The following LAMA3 variants were observed in gnomAD, a reference collection of about 807,000 sequenced individuals.
LAMA3 encodes the protein laminin subunit alpha-3.
A neutral mutation model predicts 402.0 loss-of-function variants in LAMA3; 281 were observed. The observed-to-expected ratio is 0.70, with a 90% CI of 0.63 to 0.77. The LOEUF is 0.77. Ranked by LOEUF, LAMA3 falls within the 30% of genes least tolerant of loss-of-function variation. LAMA3 has a pLI of 0.00. For missense variants in LAMA3, 3,840 were observed against 4,215.5 expected (o/e 0.91, Z 2.47); for synonymous variants, 1,431 against 1,558.4 (o/e 0.92, Z 1.93).
intron 12 of LAMA3, among the ~76,000 whole-genome samples, chr18:23,794,933 A>G (rs1157331677): frequency 6.6e-6 from 1 of 152,260 alleles, no homozygotes; most frequent in Non-Finnish European, 1.5e-5. Flanking sequence ...AAAAAACCAT[A>G]TCTTTAAATG....
At chr18:23,851,627 C>G (rs2063946873) in intron 32 of LAMA3, among the ~76,000 whole-genome samples, 1 of 152,184 alleles carries the variant, frequency 6.6e-6, no homozygotes, top group African/African-American at 2.4e-5. Context: ...CTGCCTTCCT[C>G]CCTCTATGGT....
chr18:23,728,087 GCCT>G (rs2061328664), intron 2 of LAMA3, among the ~76,000 whole-genome samples: 1 of 152,118 alleles, frequency 6.6e-6, no homozygotes, highest in Non-Finnish European at 1.5e-5. Context: ...TCCTGAAAAG[GCCT>G]CCTCTTCTCT....
At chr18:23,845,213 G>T in intron 30 of LAMA3, 89 bp downstream of exon 30, 1 of 784,504 alleles carries the variant, frequency 1.3e-6, no homozygotes, top group African/African-American at 1.7e-5. Context: ...GCTGGCCCAT[G>T]GATCCGTCCT....
intron 7 of LAMA3, among the ~76,000 whole-genome samples, chr18:23,761,179 T>G (rs1161818584): frequency 1.3e-5 from 2 of 152,244 alleles, no homozygotes; most frequent in African/African-American, 2.4e-5. Context: ...TTAAAAATGC[T>G]TTGACATCAT....
intron 38 of LAMA3, among the ~76,000 whole-genome samples, chr18:23,874,920 G>T (rs2064655276): frequency 1.3e-5 from 2 of 152,166 alleles, no homozygotes; most frequent in African/African-American, 2.4e-5. Context: ...CTGGAGTGTG[G>T]TGGCGCAGTC....
intron 68 of LAMA3, among the ~76,000 whole-genome samples, chr18:23,940,981 G>C (rs1176383461): frequency 1.4e-5 from 2 of 145,576 alleles, no homozygotes; most frequent in Non-Finnish European, 3.0e-5. Context: ...CTGTCACCCA[G>C]GCTGGAGTAC....
At chr18:23,793,796 C>A (rs1203825324) in intron 12 of LAMA3, among the ~76,000 whole-genome samples, 1 of 152,160 alleles carries the variant, frequency 6.6e-6, no homozygotes, top group East Asian at 1.9e-4. Context: ...GTGCCAGATC[C>A]CACAGGTTGA....
Position 23,890,098 on chromosome 18 carries a change from C to CT in LAMA3, c.5392dup (p.Cys1798LeufsTer16). ...GTAACAGCAATGGCCAGCTGGGCAG[C>CT]TGTCATCCCCTGACTGGAGGTAAGG... On this transcript the variant is annotated frameshift_variant, in exon 42 of 75. Transcript: ENST00000313654. LOFTEE classifies it high-confidence loss of function. 6.2e-7 allele frequency: 1 copy of CT among 1,613,122 alleles called. No individual in the cohort carries two copies. The highest frequency in any genetic ancestry group is 1.1e-5 in the South Asian group (1 of 91,072).
intron 1 of LAMA3, among the ~76,000 whole-genome samples, chr18:23,699,024 T>TAGAGAGAGAGAGAGAGAGAGAG (rs34691495): frequency 3.4e-4 from 49 of 142,560 alleles, no homozygotes; most frequent in African/African-American, 1.3e-3. Context: ...GGCGGGCAGA[T>TAGAGAGAGAGAGAGAGAGAGAG]AGAGAGAGAG....
At chr18:23,697,404 G>A (rs1193504787) in intron 1 of LAMA3, among the ~76,000 whole-genome samples, 1 of 152,160 alleles carries the variant, frequency 6.6e-6, no homozygotes, top group Non-Finnish European at 1.5e-5. Context: ...TGGCTCAGGA[G>A]CCTCTCATAT....
At chr18:23,884,663 C>A in intron 40 of LAMA3, 110 bp from the exon 41 acceptor site, 2 of 1,007,056 alleles carry the variant, frequency 2.0e-6, no homozygotes, top group Non-Finnish European at 3.1e-6. Flanking sequence ...AGTAACCAGA[C>A]CCTGGGTTTC....
chr18:23,813,181 A>C (rs895066749), intron 14 of LAMA3, 78 bp downstream of exon 14: 14 of 977,286 alleles, frequency 1.4e-5, no homozygotes, highest in Non-Finnish European at 2.3e-5. Context: ...CAGTGTGGGC[A>C]CTTCCAGAAA....
chr18:23,846,216 A>G, intron 30 of LAMA3, 81 bp from the exon 31 acceptor site: 1 of 1,307,972 alleles, frequency 7.6e-7, no homozygotes, highest in Non-Finnish European at 1.1e-6. Flanking sequence ...TGCTGGGTGG[A>G]GCAGGTGGTA....
Position 23,876,394 on chromosome 18 carries a change from C to T in LAMA3, c.5099C>T (p.Ser1700Leu). The change falls in exon 39 of 75, where the codon TCA becomes TTA. Residue 1700 changes from serine (S) to leucine (L), a missense_variant. Transcript: ENST00000313654. ...CATTCAAATCAATGCCAGGATGGCTCAGGCATATGTGTTGTGAGTAAATTG... is the reference window on the plus strand; with the variant it reads ...CATTCAAATCAATGCCAGGATGGCTTAGGCATATGTGTTGTGAGTAAATTG... ...NGHSNQCQDGSGICVNCQHNT... is the reference protein window; with the variant it reads ...NGHSNQCQDGLGICVNCQHNT... The T allele has an allele frequency of 6.2e-7, 1 of 1,608,578 alleles. No individual in the cohort carries two copies. Among genetic ancestry groups the T allele is most frequent in the East Asian group, 2.2e-5 (1 of 44,858 alleles).
At chr18:23,911,899 T>A (rs2081437684) in intron 55 of LAMA3, among the ~76,000 whole-genome samples, 1 of 146,122 alleles carries the variant, frequency 6.8e-6, no homozygotes, top group South Asian at 2.1e-4. Context: ...ACAATGTACA[T>A]ATAATTATAT....
chr18:23,862,965 C>T (rs570705404), intron 35 of LAMA3, among the ~76,000 whole-genome samples: 1 of 150,340 alleles, frequency 6.7e-6, no homozygotes, highest in Admixed American at 6.7e-5. Flanking sequence ...GCTGGCTTCC[C>T]CCAAAGCAAC....
intron 8 of LAMA3, among the ~76,000 whole-genome samples, chr18:23,771,246 G>A (rs2062192225): frequency 6.6e-6 from 1 of 152,198 alleles, no homozygotes; most frequent in South Asian, 2.1e-4. Flanking sequence ...ACTACTGATG[G>A]ATGCAGCGAC....
chr18:23,948,180 C>A (rs192817475), intron 70 of LAMA3, among the ~76,000 whole-genome samples: 10 of 152,304 alleles, frequency 6.6e-5, no homozygotes, highest in Admixed American at 5.9e-4. Flanking sequence ...TGGATAAATT[C>A]TCTTCAAACC....
intron 8 of LAMA3, among the ~76,000 whole-genome samples, chr18:23,767,408 G>C (rs2062097462): frequency 1.3e-5 from 2 of 151,966 alleles, no homozygotes; most frequent in African/African-American, 4.8e-5. Context: ...AATAGCCAAA[G>C]CAGCCCTAGG....
Sources: gnomAD v4.1 joint callset for allele counts (sites outside exome capture counted in the v4.1 genomes callset) on GRCh38, gnomAD v4.1.1 for gene constraint, MANE v1.5 for transcripts, NCBI Gene and HGNC (gene_info 2026-07-23, HGNC 2026-07-21) for gene names.